Variants in CIT observed in about 807,000 individuals in gnomAD.
The protein encoded by CIT is citron Rho-interacting kinase.
In CIT, 79 loss-of-function variants were observed where a neutral mutation model predicts 272.7. That is an observed-to-expected ratio of 0.29 (90% CI 0.24 to 0.35). The LOEUF (loss-of-function observed/expected upper bound fraction) is 0.35. Ranked by LOEUF, CIT falls within the 10% of genes least tolerant of loss-of-function variation. The pLI is 1.00. For missense variants in CIT, 1,909 were observed against 2,618.3 expected (o/e 0.73, Z 5.91); for synonymous variants, 948 against 995.6 (o/e 0.95, Z 0.90).
At chr12:119,855,249 C>T (rs1970508501) in intron 4 of CIT, among the ~76,000 whole-genome samples, 1 of 151,884 alleles carries the variant, frequency 6.6e-6, no homozygotes, top group African/African-American at 2.4e-5. Context: ...GGTAAAACCC[C>T]GTCTCTACTA....
chr12:119,738,440 A>G (rs531084220), intron 24 of CIT, among the ~76,000 whole-genome samples: 2 of 152,196 alleles, frequency 1.3e-5, no homozygotes, highest in East Asian at 1.9e-4. Flanking sequence ...GATAGAGAGT[A>G]AAAAAGAGAA....
At chr12:119,832,665 CTCCA>C (rs1289372279) in intron 7 of CIT, 102 bp downstream of exon 7, 1 of 907,216 alleles carries the variant, frequency 1.1e-6, no homozygotes, top group African/African-American at 1.6e-5. Context: ...CTGCCAAAGG[CTCCA>C]AAACATTGTT....
At position 119,690,951 on chromosome 12, in the gene CIT, A is replaced by G. The variant is rs1391198811; in HGVS notation, c.5883-497T>C. 6.6e-6 allele frequency among the ~76,000 whole-genome samples: 1 copy of G among 152,194 alleles called. No homozygotes were observed. The highest frequency in any genetic ancestry group is 1.5e-5 in the Non-Finnish European group (1 of 68,034). On this transcript the variant is annotated intron_variant, in intron 46 of 47. Coordinates refer to ENST00000392521, the MANE Select transcript of CIT (RefSeq NM_001206999.2). This position sits in a 1 kb window ranked among gnomAD's most constrained non-coding sequence, Gnocchi z 6.0. ...CACTTTGGGAGGCCGAGGCAGGTAGATCACGAGGTCAGGAGATCGAGGCCA... is the reference window on the plus strand; with the variant it reads ...CACTTTGGGAGGCCGAGGCAGGTAGGTCACGAGGTCAGGAGATCGAGGCCA...
intron 8 of CIT, among the ~76,000 whole-genome samples, chr12:119,824,651 C>G (rs559149757): frequency 6.6e-6 from 1 of 152,222 alleles, no homozygotes; most frequent in African/African-American, 2.4e-5. Context: ...TCCACCACTG[C>G]TGAAACACTC....
intron 40 of CIT, among the ~76,000 whole-genome samples, chr12:119,706,063 C>A (rs1166904646): frequency 6.8e-6 from 1 of 148,048 alleles, no homozygotes; most frequent in Non-Finnish European, 1.5e-5. Flanking sequence ...GTGCTCCAGC[C>A]TGGGTGACAG....
At chr12:119,709,807 T>A (rs879359703) in intron 39 of CIT, among the ~76,000 whole-genome samples, 5,030 of 141,166 alleles carry the variant, frequency 0.036, 195 homozygotes, top group African/African-American at 0.095. Flanking sequence ...TGTGTGTGTG[T>A]GTGTGTGTGT....
chr12:119,714,458 T>A, intron 32 of CIT, 124 bp from the exon 33 acceptor site: 1 of 961,542 alleles, frequency 1.0e-6, no homozygotes, highest in Non-Finnish European at 1.5e-6. Context: ...GGGACTCATA[T>A]CTAGAATACA....
At chr12:119,751,971 C>T in intron 23 of CIT, 79 bp downstream of exon 23, 2 of 1,252,542 alleles carry the variant, frequency 1.6e-6, no homozygotes, top group East Asian at 2.4e-5. Flanking sequence ...TAAGGGTGAG[C>T]CAGTATACTC....
chr12:119,835,537 T>A (rs1395568655), intron 5 of CIT, among the ~76,000 whole-genome samples: 1 of 152,158 alleles, frequency 6.6e-6, no homozygotes, highest in Non-Finnish European at 1.5e-5. Flanking sequence ...TTATTAGCCA[T>A]GCTATAAATG....
At chr12:119,851,591 A>G (rs1850680157) in intron 4 of CIT, among the ~76,000 whole-genome samples, 2 of 152,262 alleles carry the variant, frequency 1.3e-5, no homozygotes, top group Admixed American at 1.3e-4. Flanking sequence ...TAACCTAAAA[A>G]GGTTCTCAGT....
chr12:119,776,315 C>T, intron 15 of CIT, 43 bp downstream of exon 15: 1 of 1,517,442 alleles, frequency 6.6e-7, no homozygotes, highest in Non-Finnish European at 9.1e-7. Flanking sequence ...AAAAAGTTAT[C>T]TACCCAAAAT....
intron 12 of CIT, 182 bp downstream of exon 12, chr12:119,783,726 T>C (rs1964513938): frequency 1.6e-6 from 1 of 639,182 alleles, no homozygotes; most frequent in East Asian, 2.8e-5. Flanking sequence ...ATCTCATTTC[T>C]TGGGGACCTT....
chr12:119,782,289 A>G lies in CIT; in HGVS notation c.1665+229T>C, dbSNP rs1964367332. Reference sequence around the variant, plus strand: ...TACATCTTTATTTTTAAAAGCAGACATTATGGGGTATCAGCTTCAAAAGGA... The same window carrying G: ...TACATCTTTATTTTTAAAAGCAGACGTTATGGGGTATCAGCTTCAAAAGGA... On this transcript the variant is annotated intron_variant, in intron 13 of 47. Coordinates refer to ENST00000392521, the MANE Select transcript of CIT (RefSeq NM_001206999.2). The G allele has an allele frequency of 2.0e-5, 8 of 400,932 alleles. No individual in the cohort carries two copies. In the East Asian group the frequency reaches 3.4e-4, roughly 17 times the overall value. The allele number at this position is 400,932 out of a possible 1,614,324, so 24.8% of individuals were successfully genotyped here. A position where few individuals can be genotyped will look rare whatever the true frequency, so the allele number is the denominator to read the frequency against.
rs1201693580 is a variant in CIT, at chr12:119,697,054, G to A, written c.5882+605C>T. Among the ~76,000 whole-genome samples the A allele has an allele frequency of 6.6e-6, 1 of 152,132 alleles. No homozygotes were observed. Among genetic ancestry groups the A allele is most frequent in the Non-Finnish European group, 1.5e-5 (1 of 68,028 alleles). ...CGCATTCCAGGGAAGGCACGAGGCT[G>A]GCCAGGAGTCCCTGACCTGCTCTCA... On this transcript the variant is annotated intron_variant, in intron 46 of 47. Coordinates refer to ENST00000392521, the MANE Select transcript of CIT (RefSeq NM_001206999.2). This position sits in a 1 kb window ranked among gnomAD's most constrained non-coding sequence, Gnocchi z 4.9.
intron 3 of CIT, among the ~76,000 whole-genome samples, chr12:119,859,185 C>A (rs893015488): frequency 6.6e-6 from 1 of 152,204 alleles, no homozygotes; most frequent in East Asian, 1.9e-4. Context: ...CAGCATCATA[C>A]ACAGGCATTA....
intron 8 of CIT, among the ~76,000 whole-genome samples, chr12:119,823,689 C>T (rs1026576330): frequency 6.6e-6 from 1 of 152,080 alleles, no homozygotes; most frequent in East Asian, 1.9e-4. Flanking sequence ...CTAGGAAATA[C>T]GTTCCTTTTC....
intron 23 of CIT, among the ~76,000 whole-genome samples, chr12:119,751,185 G>A (rs756777263): frequency 5.3e-5 from 8 of 152,088 alleles, no homozygotes; most frequent in Non-Finnish European, 8.8e-5. Flanking sequence ...CAAGATTAAC[G>A]GGATTTTCTA....
intron 23 of CIT, among the ~76,000 whole-genome samples, chr12:119,744,672 G>A (rs1034967649): frequency 1.5e-4 from 20 of 130,870 alleles, no homozygotes; most frequent in African/African-American, 4.7e-4. Flanking sequence ...CTGAGATCAC[G>A]CCACCACACT....
intron 16 of CIT, among the ~76,000 whole-genome samples, chr12:119,775,180 A>G (rs203361): frequency 0.49 from 73,834 of 151,794 alleles, 18,276 homozygotes; most frequent in Admixed American, 0.58. Context: ...GGCTGAGGCA[A>G]GAGAATCGCT....
Sources: allele counts gnomAD v4.1 joint callset (sites outside exome capture counted in the v4.1 genomes callset), GRCh38; gene constraint gnomAD v4.1.1; non-coding constraint Gnocchi (gnomAD v3.1); transcripts MANE v1.5; gene names NCBI Gene and HGNC (gene_info 2026-07-23, HGNC 2026-07-21).